The following TAMM41 variants were observed in gnomAD, a reference collection of about 807,000 sequenced individuals.
TAMM41 encodes TAM41 mitochondrial translocator assembly and maintenance homolog.
Under a neutral mutation model 44.1 loss-of-function variants are expected in TAMM41, and 36 were observed. The observed-to-expected ratio is 0.82, with a 90% CI of 0.63 to 1.08. TAMM41 has a LOEUF of 1.08. TAMM41 is among the 50% of genes least tolerant of loss of function. The pLI is 0.00. For missense variants in TAMM41, 417 were observed against 404.3 expected (o/e 1.03, Z -0.27); for synonymous variants, 164 against 153.1 (o/e 1.07, Z -0.53).
the TAMM41 span, among the ~76,000 whole-genome samples, chr3:11,745,503 A>G: frequency 2.0e-5 from 3 of 152,234 alleles, no homozygotes; most frequent in Non-Finnish European, 2.9e-5. Flanking sequence ...CTTAAAAAGG[A>G]AGCGAATTCT....
chr3:11,832,111 T>C (rs1486211025), intron 3 of TAMM41, among the ~76,000 whole-genome samples: 1 of 152,226 alleles, frequency 6.6e-6, no homozygotes, highest in Non-Finnish European at 1.5e-5. Flanking sequence ...TAGGGTTATA[T>C]TCTGGTTAAC....
At chr3:11,800,111 C>T (rs565963006) in intron 7 of TAMM41, among the ~76,000 whole-genome samples, 2 of 152,102 alleles carry the variant, frequency 1.3e-5, no homozygotes, top group African/African-American at 4.8e-5. Flanking sequence ...GGAAACAAAA[C>T]GCTGATATTC....
the TAMM41 span, among the ~76,000 whole-genome samples, chr3:11,763,433 C>A: frequency 6.6e-6 from 1 of 152,172 alleles, no homozygotes; most frequent in African/African-American, 2.4e-5. Context: ...TGAGCCACCA[C>A]ACCCAGTCCC....
chr3:11,846,183 G>A (rs368008118), intron 1 of TAMM41, among the ~76,000 whole-genome samples: 62 of 152,348 alleles, frequency 4.1e-4, no homozygotes, highest in African/African-American at 1.5e-3. Flanking sequence ...AGAAAATTCC[G>A]ATGTCCAGCC....
chr3:11,833,528 TGAA>T (rs777002151), intron 3 of TAMM41, among the ~76,000 whole-genome samples: 27 of 152,276 alleles, frequency 1.8e-4, no homozygotes, highest in Non-Finnish European at 3.4e-4. Flanking sequence ...TGCTTAAGGA[TGAA>T]GAAGAAACGC....
chr3:11,733,011 TG>T, the TAMM41 span, among the ~76,000 whole-genome samples: 39 of 134,664 alleles, frequency 2.9e-4, 3 homozygotes, highest in South Asian at 7.5e-4. Flanking sequence ...TTTGTTTGTT[TG>T]TTTTGAGATG....
At chr3:11,826,604 A>ATAG (rs1559306950) in intron 4 of TAMM41, 1 of 150,902 alleles carries the variant, frequency 6.6e-6, no homozygotes, top group Non-Finnish European at 1.5e-5. Context: ...TCTTTGTGAG[A>ATAG]TAGTTATTTG....
chr3:11,808,048 A>C, intron 6 of TAMM41, 153 bp from the exon 7 acceptor site: 1 of 1,385,818 alleles, frequency 7.2e-7, no homozygotes, highest in Non-Finnish European at 9.5e-7. Flanking sequence ...GACAATGAAA[A>C]GGGCAGTGGG....
At position 11,846,642 on chromosome 3, in the gene TAMM41, C is replaced by T; in HGVS notation, c.-6G>A. ...TGCAGCGTCTGCAGCGCCATGGGGT[C>T]GAGGCTAACAGGGGACACTCAGCGC... On this transcript the variant is annotated 5_prime_UTR_variant, in exon 1 of 8. Transcript: ENST00000455809. 1 of 1,614,124 alleles carries T rather than the reference C, an allele frequency of 6.2e-7. No homozygotes were observed. Among genetic ancestry groups the T allele is most frequent in the Non-Finnish European group, 8.5e-7 (1 of 1,180,032 alleles).
chr3:11,833,002 C>T (rs1429747343), intron 3 of TAMM41: 3 of 1,050,654 alleles, frequency 2.9e-6, no homozygotes, highest in East Asian at 9.3e-5. Flanking sequence ...AGCATCCTTA[C>T]TCAAAGGAAA....
intron 1 of TAMM41, chr3:11,844,757 C>A: frequency 5.9e-6 from 2 of 339,552 alleles, no homozygotes; most frequent in East Asian, 8.2e-5. Context: ...ACCTATTCAC[C>A]AACCACTTAT....
the TAMM41 span, among the ~76,000 whole-genome samples, chr3:11,762,600 C>A: frequency 6.6e-4 from 100 of 152,336 alleles, 1 homozygote; most frequent in South Asian, 0.019. Context: ...TTCTCTTGTC[C>A]TTTTATTCCC....
chr3:11,819,904 T>A (rs1156913363), intron 4 of TAMM41, among the ~76,000 whole-genome samples: 1 of 152,170 alleles, frequency 6.6e-6, no homozygotes, highest in Non-Finnish European at 1.5e-5. Context: ...CAAAGCTCCA[T>A]AAAATAAGTA....
At chr3:11,737,427 T>C in the TAMM41 span, among the ~76,000 whole-genome samples, 1 of 151,714 alleles carries the variant, frequency 6.6e-6, no homozygotes, top group Non-Finnish European at 1.5e-5. Flanking sequence ...TTCAAGCGAT[T>C]CTCCTTCCTC....
the TAMM41 span, among the ~76,000 whole-genome samples, chr3:11,759,274 G>T: frequency 6.6e-6 from 1 of 152,028 alleles, no homozygotes; most frequent in African/African-American, 2.4e-5. Context: ...CCATCTAAGA[G>T]CTTAGCGGGT....
At chr3:11,752,138 G>A in the TAMM41 span, among the ~76,000 whole-genome samples, 1 of 152,080 alleles carries the variant, frequency 6.6e-6, no homozygotes, top group South Asian at 2.1e-4. Context: ...GCGGACCTTC[G>A]CGGCGAGTGT....
intron 1 of TAMM41, 40 bp downstream of exon 1, chr3:11,846,462 A>C: frequency 1.2e-6 from 2 of 1,612,888 alleles, no homozygotes; most frequent in Middle Eastern, 3.3e-4. Flanking sequence ...GGGACTCGTG[A>C]GAACAGACAG....
chr3:11,841,073 A>ATTTTTT lies in TAMM41; in HGVS notation c.319-1765_319-1760dup, dbSNP rs141805597. Among the ~76,000 whole-genome samples, 3 of 83,964 alleles carry ATTTTTT rather than the reference A, an allele frequency of 3.6e-5. 1 individual carries two copies. The highest frequency in any genetic ancestry group is 2.2e-5 in the Non-Finnish European group (1 of 44,652). The allele number at this position is 83,964 out of a possible 152,430, so 55.1% of individuals were successfully genotyped here. On this transcript the variant is annotated intron_variant, in intron 2 of 7. Transcript: ENST00000455809. ...AGAAATTATAGTTCAGCCCATTTCTATTTTTTTTTTTTTTTTTTTTTTTTT... is the reference window on the plus strand; with the variant it reads ...AGAAATTATAGTTCAGCCCATTTCTATTTTTTTTTTTTTTTTTTTTTTTTTTTTTTT...
chr3:11,815,574 AAAAT>A (rs1159430434), intron 5 of TAMM41, among the ~76,000 whole-genome samples: 1 of 152,222 alleles, frequency 6.6e-6, no homozygotes, highest in Non-Finnish European at 1.5e-5. Context: ...CTGTCACAAT[AAAAT>A]AAACATTGAA....
Sources: allele counts gnomAD v4.1 joint callset (sites outside exome capture counted in the v4.1 genomes callset), GRCh38; gene constraint gnomAD v4.1.1; transcripts MANE v1.5; gene names NCBI Gene and HGNC (gene_info 2026-07-23, HGNC 2026-07-21).